The following SLC23A1 variants were observed in gnomAD, a reference collection of about 807,000 sequenced individuals.
SLC23A1 encodes the protein solute carrier family 23 member 1.
Under a neutral mutation model 62.5 loss-of-function variants are expected in SLC23A1, and 31 were observed. The observed-to-expected ratio is 0.50, with a 90% confidence interval of 0.37 to 0.67. SLC23A1 has a LOEUF of 0.67. SLC23A1 is among the 30% of genes least tolerant of loss of function. The pLI, the probability that SLC23A1 is intolerant of heterozygous loss-of-function variation, is 0.00. For synonymous variants in SLC23A1, 271 were observed against 313.2 expected (o/e 0.87, Z 1.42); for missense variants, 640 against 782.7 (o/e 0.82, Z 2.18).
chr5:139,380,284 T>TG lies in SLC23A1; in HGVS notation c.570dup (p.Thr191HisfsTer105), dbSNP rs1357826451. On this transcript the variant is annotated frameshift_variant, in exon 6 of 15. Transcript: ENST00000348729. LOFTEE classifies it high-confidence loss of function. ...ACAGAAAGGCCAATGAGGGAGACAG[T>TG]GGGGGTGACTGTGAGAGGCCCAATG... The TG allele has an allele frequency of 1.3e-6, 2 of 1,592,446 alleles. No homozygotes were observed. The highest frequency in any genetic ancestry group is 2.7e-5 in the African/African-American group (2 of 74,312).
rs1581373525 is a variant in SLC23A1, at chr5:139,380,035, T to C, written c.689A>G (p.Asn230Ser). The C allele has an allele frequency of 3.1e-6, 5 of 1,613,074 alleles. No homozygotes were observed. The South Asian group carries it at 4.4e-5, about 14-fold the overall frequency. Residue 230 changes from asparagine (N) to serine (S), a missense_variant, in exon 7 of 15, where the codon AAC becomes AGC. Coordinates refer to ENST00000348729, the MANE Select transcript of SLC23A1 (RefSeq NM_005847.5). ...LIILFSQYLR[N>S]LTFLLPVYRW... ...GTAGACAGGCAGCAGGAAGGTGAGGTTGCGCAGGTACTGGGAGAAGAGGAT... is the reference window on the plus strand; with the variant it reads ...GTAGACAGGCAGCAGGAAGGTGAGGCTGCGCAGGTACTGGGAGAAGAGGAT...
chr5:139,368,220 C>T (rs1757407751), intron 14 of SLC23A1, among the ~76,000 whole-genome samples: 1 of 152,072 alleles, frequency 6.6e-6, no homozygotes, highest in South Asian at 2.1e-4. Flanking sequence ...CGCCTGTAGT[C>T]CCAGCTACTC....
At position 139,381,276 on chromosome 5, in the gene SLC23A1, A is replaced by AG. The variant is rs1758242987; in HGVS notation, c.309-391dup. Among the ~76,000 whole-genome samples the AG allele has an allele frequency of 6.6e-5, 10 of 152,264 alleles. No individual in the cohort carries two copies. In the South Asian group the frequency reaches 2.1e-3, roughly 32 times the overall value. On this transcript the variant is annotated intron_variant, in intron 3 of 14. Coordinates refer to ENST00000348729, the MANE Select transcript of SLC23A1 (RefSeq NM_005847.5). ...GCACTCGGGAGCGTGGGGCCCTGGG[A>AG]GGGTGGGCTGTCGAAGAGGCTGGCA...
In SLC23A1 at chr5:139,378,223, A is replaced by G; in HGVS notation, c.1308T>C (p.Phe436=). ...CCGTGGCCCGCGCCAGACACTCACC[A>G]AAGAGAGTGCAGAACATGCCCCCCA... ...PILGGMFCTL[F]GMITAVGLSN... The change falls in exon 11 of 15, where the codon TTT becomes TTC. Residue 436 remains phenylalanine, a splice_region_variant and synonymous_variant. Coordinates refer to ENST00000348729, the MANE Select transcript of SLC23A1 (RefSeq NM_005847.5). This position sits in a 1 kb window ranked among gnomAD's most constrained non-coding sequence, Gnocchi z 4.5. 6.2e-7 allele frequency: 1 copy of G among 1,613,138 alleles called. No homozygotes were observed. Among genetic ancestry groups the G allele is most frequent in the Admixed American group, 1.7e-5 (1 of 59,898 alleles).
chr5:139,367,596 C>T lies in SLC23A1; in HGVS notation c.*55G>A, dbSNP rs1234539334. 1 of 152,128 alleles carries T rather than the reference C, an allele frequency of 6.6e-6. No homozygotes were observed. Among genetic ancestry groups the T allele is most frequent in the Non-Finnish European group, 1.5e-5 (1 of 68,030 alleles). 9.4% of individuals were successfully genotyped at this position (152,128 alleles called of 1,614,324 possible). ...TTCAGGCTTAGGTCTTCTGGTTCCC[C>T]ATGTAGTTTTCTTTTCCTGTTATAT... On this transcript the variant is annotated 3_prime_UTR_variant, in exon 15 of 15. Coordinates refer to ENST00000348729, the MANE Select transcript of SLC23A1 (RefSeq NM_005847.5).
At chr5:139,382,644 TG>T (rs1758334561) in intron 1 of SLC23A1, 39 bp from the exon 2 acceptor site, 1 of 1,266,942 alleles carries the variant, frequency 7.9e-7, no homozygotes, top group Non-Finnish European at 1.2e-6. Context: ...GGTGAAGTGA[TG>T]GGGACAGGCA....
intron 13 of SLC23A1, among the ~76,000 whole-genome samples, chr5:139,373,975 C>T (rs1757816819): frequency 6.6e-6 from 1 of 152,226 alleles, no homozygotes; most frequent in Non-Finnish European, 1.5e-5. Flanking sequence ...CCTTCAGTGC[C>T]TTCTGTACTT....
chr5:139,383,398 G>T, upstream of SLC23A1: 1 of 1,456,916 alleles, frequency 6.9e-7, no homozygotes, highest in Non-Finnish European at 9.1e-7. Flanking sequence ...CGAAAGGGGG[G>T]CCCGGGCAGA....
chr5:139,380,362 C>A lies in SLC23A1; in HGVS notation c.493G>T (p.Val165Leu). Reference sequence around the variant, plus strand: ...AGCAGGCCAATCACCACCTCCACCACGCTGGACACCATGATTGCACCCTGG... The same window carrying A: ...AGCAGGCCAATCACCACCTCCACCAAGCTGGACACCATGATTGCACCCTGG... ...EVQGAIMVSS[V>L]VEVVIGLLGL... Residue 165 changes from valine to leucine, a missense_variant, in exon 6 of 15, where the codon GTG (valine) becomes TTG (leucine). Physicochemically the swap from Val to Leu is conservative, Grantham distance 32. Coordinates refer to ENST00000348729, the MANE Select transcript of SLC23A1 (RefSeq NM_005847.5). 6.2e-7 allele frequency: 1 copy of A among 1,612,990 alleles called. No homozygotes were observed. Among genetic ancestry groups the A allele is most frequent in the Non-Finnish European group, 8.5e-7 (1 of 1,179,624 alleles).
chr5:139,382,053 G>C lies in SLC23A1; in HGVS notation c.151-4C>G, dbSNP rs768935121. 1 of 1,606,598 alleles carries C rather than the reference G, an allele frequency of 6.2e-7. No homozygotes were observed. Among genetic ancestry groups the C allele is most frequent in the South Asian group, 1.1e-5 (1 of 89,522 alleles). ...CACTGAAGCATGTCAGGTAGTGCTG[G>C]GCAGAGGGAGACAGCAGAGTGCATG... On this transcript the variant is annotated splice_region_variant and splice_polypyrimidine_tract_variant and intron_variant, in intron 2 of 14. Transcript: ENST00000348729.
intron 14 of SLC23A1, among the ~76,000 whole-genome samples, 198 bp from the exon 15 acceptor site, chr5:139,367,829 C>G (rs1757360209): frequency 6.6e-6 from 1 of 152,194 alleles, no homozygotes; most frequent in Non-Finnish European, 1.5e-5. Flanking sequence ...CGTGCTATTC[C>G]TTTAACTTAT....
At chr5:139,380,539 TC>T (rs1758199232) in intron 5 of SLC23A1, 25 bp downstream of exon 5, 10 of 1,612,278 alleles carry the variant, frequency 6.2e-6, no homozygotes, top group Non-Finnish European at 8.5e-6. Context: ...GGACCCGGCC[TC>T]TTCTATGCTT....
Position 139,382,026 on chromosome 5 carries a change from A to C in SLC23A1, c.174T>G (p.Gly58=), listed in dbSNP as rs1439611197. ...GFQHYLTCFS[G]TIAVPFLLAE... ...CCAGCAGGAAGGGCACGGCGATGGT[A>C]CCACTGAAGCATGTCAGGTAGTGCT... The change falls in exon 3 of 15, where the codon GGT becomes GGG. Residue 58 remains glycine (G), a synonymous_variant. Coordinates refer to ENST00000348729, the MANE Select transcript of SLC23A1 (RefSeq NM_005847.5). 1.9e-6 allele frequency: 3 copies of C among 1,609,254 alleles called. No individual in the cohort carries two copies. The African/African-American group carries it at 4.0e-5, about 21-fold the overall frequency.
intron 14 of SLC23A1, among the ~76,000 whole-genome samples, chr5:139,368,160 C>A (rs1561967505): frequency 6.6e-6 from 1 of 152,082 alleles, no homozygotes; most frequent in Non-Finnish European, 1.5e-5. Context: ...ATGGTGAAAC[C>A]CCGTCTTTAC....
At chr5:139,375,039 CCCT>C (rs1757879955) in intron 13 of SLC23A1, among the ~76,000 whole-genome samples, 1 of 152,196 alleles carries the variant, frequency 6.6e-6, no homozygotes, top group South Asian at 2.1e-4. Context: ...GGAACCCTGG[CCCT>C]CCTCTGTCCT....
chr5:139,371,760 G>T (rs1757682864), intron 14 of SLC23A1, among the ~76,000 whole-genome samples: 1 of 152,218 alleles, frequency 6.6e-6, no homozygotes, highest in South Asian at 2.1e-4. Flanking sequence ...CATACTTGTA[G>T]CCTCTTAGTG....
upstream of SLC23A1, chr5:139,384,548 C>T (rs368661156): frequency 3.3e-5 from 42 of 1,289,000 alleles, no homozygotes; most frequent in African/African-American, 5.9e-4. Context: ...GTTGCTGGAC[C>T]AGTTTGAAGC....
chr5:139,372,831 G>C (rs546646391), intron 13 of SLC23A1, among the ~76,000 whole-genome samples: 8 of 152,106 alleles, frequency 5.3e-5, no homozygotes, highest in South Asian at 2.1e-4. Context: ...GATCTGCCTG[G>C]CTTGGCCTCC....
chr5:139,382,339 T>G, intron 2 of SLC23A1, 153 bp downstream of exon 2: 1 of 605,204 alleles, frequency 1.7e-6, no homozygotes. Context: ...TCTTTCAGGA[T>G]TCAGCCTCTT....
Sources: gnomAD v4.1 joint callset for allele counts (sites outside exome capture counted in the v4.1 genomes callset) on GRCh38, gnomAD v4.1.1 for gene constraint, Gnocchi (gnomAD v3.1) non-coding constraint, MANE v1.5 for transcripts, NCBI Gene and HGNC (gene_info 2026-07-23, HGNC 2026-07-21) for gene names.